CNTNAP2: variants seen among roughly 807,000 people sequenced by gnomAD.
CNTNAP2 encodes contactin associated protein 2, also known as contactin-associated protein-like 2.
Under a neutral mutation model 155.2 loss-of-function variants are expected in CNTNAP2, and 98 were observed. The ratio of observed to expected loss-of-function variants is 0.63; its 90% confidence interval spans 0.54 to 0.75. The LOEUF is 0.75. CNTNAP2 is among the 30% of genes least tolerant of loss of function. The pLI, the probability that CNTNAP2 is intolerant of heterozygous loss-of-function variation, is 0.00. For synonymous variants in CNTNAP2, 651 were observed against 631.2 expected, an observed-to-expected ratio of 1.03 and a Z score of -0.47; for missense variants, 1,727 against 1,688.1, an observed-to-expected ratio of 1.02 and a Z score of -0.40.
chr7:146,756,313 C>G (rs1801994670), intron 1 of CNTNAP2, among the ~76,000 whole-genome samples: 1 of 151,910 alleles, frequency 6.6e-6, no homozygotes, highest in African/African-American at 2.4e-5. Context: ...TGGCCTATGA[C>G]TTTCCAATTT....
chr7:146,724,358 G>A (rs956607695), intron 1 of CNTNAP2, among the ~76,000 whole-genome samples: 1 of 151,822 alleles, frequency 6.6e-6, no homozygotes, highest in African/African-American at 2.4e-5. Context: ...GCATAGTAGA[G>A]CATTTTCCTG....
chr7:148,349,879 G>A (rs1798397375), intron 21 of CNTNAP2, among the ~76,000 whole-genome samples: 1 of 152,192 alleles, frequency 6.6e-6, no homozygotes, highest in Admixed American at 6.5e-5. Context: ...TAGAATGAAT[G>A]GGGAGGAGAA....
rs1456562222 is a variant in CNTNAP2 at position 148,118,245 on chromosome 7, T to G, written c.2511T>G (p.Leu837=). The G allele has an allele frequency of 6.2e-7, 1 of 1,614,158 alleles. No homozygotes were observed. The highest frequency in any genetic ancestry group is 8.5e-7 in the Non-Finnish European group (1 of 1,180,012). ...FKTLTPWGVF[L]ENMGKEDFIK... is the part of the protein sequence containing the mutation. ...CATTAACCCCCTGGGGAGTGTTTCT[T>G]GAAAATATGGGAAAGGAAGATTTCA... The change falls in exon 16 of 24, where the codon CTT becomes CTG. Residue 837 remains leucine, a synonymous_variant. Coordinates refer to ENST00000361727, the MANE Select transcript of CNTNAP2 (RefSeq NM_014141.6).
chr7:147,051,194 A>G (rs113831271), intron 4 of CNTNAP2, among the ~76,000 whole-genome samples: 9,131 of 147,068 alleles, frequency 0.062, 368 homozygotes, highest in Middle Eastern at 0.11. Flanking sequence ...GTATATATAT[A>G]TATATATATA....
intron 9 of CNTNAP2, among the ~76,000 whole-genome samples, chr7:147,364,004 A>G (rs1349293749): frequency 6.6e-6 from 1 of 152,210 alleles, no homozygotes; most frequent in African/African-American, 2.4e-5. Flanking sequence ...AATAACTTGT[A>G]GAAGATCACT....
intron 8 of CNTNAP2, among the ~76,000 whole-genome samples, chr7:147,299,679 A>G (rs1456944756): frequency 6.6e-6 from 1 of 152,244 alleles, no homozygotes; most frequent in Non-Finnish European, 1.5e-5. Context: ...TAAAAGCCAT[A>G]AATTCATTTT....
At chr7:146,160,183 A>G (rs1047793113) in intron 1 of CNTNAP2, among the ~76,000 whole-genome samples, 3 of 152,230 alleles carry the variant, frequency 2.0e-5, no homozygotes, top group African/African-American at 7.2e-5. Context: ...TCTGGGACAC[A>G]TTTAAAGCAG....
chr7:146,782,216 A>G (rs1037663722), intron 2 of CNTNAP2: 1 of 152,132 alleles, frequency 6.6e-6, no homozygotes, highest in Non-Finnish European at 1.5e-5. Context: ...CAGGTAATTC[A>G]TTATTACTTA....
At chr7:147,576,300 A>G (rs1182613716) in intron 12 of CNTNAP2, among the ~76,000 whole-genome samples, 2 of 152,118 alleles carry the variant, frequency 1.3e-5, no homozygotes, top group African/African-American at 4.8e-5. Context: ...AGTGCTAAAT[A>G]AGAAAACAAG....
intron 8 of CNTNAP2, among the ~76,000 whole-genome samples, chr7:147,185,541 G>C (rs1584778899): frequency 1.3e-5 from 2 of 152,096 alleles, no homozygotes; most frequent in African/African-American, 2.4e-5. Context: ...TCAAATTATA[G>C]AATATGACCC....
intron 22 of CNTNAP2, among the ~76,000 whole-genome samples, chr7:148,390,110 G>C (rs746957409): frequency 6.6e-6 from 1 of 152,100 alleles, no homozygotes; most frequent in African/African-American, 2.4e-5. Context: ...CCAAAACATG[G>C]TTTATGAAAA....
At position 147,434,458 on chromosome 7, in the gene CNTNAP2, C is replaced by T. The variant is rs535142306; in HGVS notation, c.1670+38678C>T. 2.6e-5 allele frequency among the ~76,000 whole-genome samples: 4 copies of T among 152,204 alleles called. No individual in the cohort carries two copies. The South Asian group carries it at 6.2e-4, about 24-fold the overall frequency. On this transcript the variant is annotated intron_variant, in intron 10 of 23. Transcript: ENST00000361727. The stretch of plus-strand genomic sequence containing the variant: ...ATTTCATTTTACTGTTTGAACACTC[C>T]CTTCTAATTTGTATATAGAGAGATA...
At chr7:147,356,124 G>A (rs187816487) in intron 9 of CNTNAP2, among the ~76,000 whole-genome samples, 1 of 152,064 alleles carries the variant, frequency 6.6e-6, no homozygotes, top group African/African-American at 2.4e-5. Context: ...TGCAAGGTTG[G>A]TTCAACATAT....
In CNTNAP2 at chr7:146,554,119, A is replaced by C. The variant is rs1035188063; in HGVS notation, c.98-220152A>C. Among the ~76,000 whole-genome samples the C allele has an allele frequency of 2.0e-5, 3 of 152,140 alleles. 1 individual carries two copies. Among genetic ancestry groups the C allele is most frequent in the African/African-American group, 7.2e-5 (3 of 41,432 alleles). On this transcript the variant is annotated intron_variant, in intron 1 of 23. Transcript: ENST00000361727. The stretch of plus-strand genomic sequence containing the variant: ...GAGAATGCAGTGTAACTAACGTTGA[A>C]TCTAAGGCCAAAAAGTATCTACAAA...
In CNTNAP2 at chr7:147,033,191, T is replaced by C. The variant is rs889822397; in HGVS notation, c.403-10716T>C. Among the ~76,000 whole-genome samples, 131 of 91,400 alleles carry C rather than the reference T, an allele frequency of 1.4e-3. 2 individuals are homozygous for C. The highest frequency in any genetic ancestry group is 6.1e-3 in the Middle Eastern group (1 of 164). 60.0% of individuals were successfully genotyped at this position (91,400 alleles called of 152,430 possible). A position where few individuals can be genotyped will look rare whatever the true frequency, so the allele number is the denominator to read the frequency against. ...ATATATATATATATATATATATATA[T>C]ATATATATATATGGAATATGTTGGC... is the stretch of plus-strand genomic sequence containing the variant. On this transcript the variant is annotated intron_variant, in intron 3 of 23. Transcript: ENST00000361727.
chr7:146,999,552 T>G (rs1279301809), intron 3 of CNTNAP2, among the ~76,000 whole-genome samples: 1 of 152,064 alleles, frequency 6.6e-6, no homozygotes, highest in East Asian at 1.9e-4. Flanking sequence ...CTTGAAGAAC[T>G]CCTTGTAGCA....
At chr7:146,242,955 A>G (rs1209487377) in intron 1 of CNTNAP2, among the ~76,000 whole-genome samples, 2 of 152,162 alleles carry the variant, frequency 1.3e-5, no homozygotes, top group African/African-American at 4.8e-5. Flanking sequence ...ATTTTTAAGA[A>G]CATATATCTA....
At chr7:147,826,888 T>C (rs1584976660) in intron 13 of CNTNAP2, among the ~76,000 whole-genome samples, 2 of 151,992 alleles carry the variant, frequency 1.3e-5, no homozygotes, top group Middle Eastern at 6.8e-3. Context: ...AGAAAGAATA[T>C]CATTAAGTGG....
chr7:146,372,385 A>G (rs186693334), intron 1 of CNTNAP2, among the ~76,000 whole-genome samples: 1 of 152,050 alleles, frequency 6.6e-6, no homozygotes, highest in African/African-American at 2.4e-5. Flanking sequence ...ATAACAAACC[A>G]AAAAGAGATA....
Sources: allele counts gnomAD v4.1 joint callset (sites outside exome capture counted in the v4.1 genomes callset), GRCh38; gene constraint gnomAD v4.1.1; transcripts MANE v1.5; gene names NCBI Gene and HGNC (gene_info 2026-07-23, HGNC 2026-07-21).